The following CTNNA3 variants were observed in gnomAD, a reference collection of about 807,000 sequenced individuals.
CTNNA3 encodes the protein catenin alpha 3, also known as catenin alpha-3.
In CTNNA3, 76 loss-of-function variants were observed where a neutral mutation model predicts 95.7. The observed-to-expected ratio is 0.79, with a 90% CI of 0.66 to 0.96. CTNNA3 has a LOEUF of 0.96. Among genes scored for constraint, CTNNA3 ranks in the 40% least tolerant of loss-of-function variants. The pLI is 0.00. For synonymous variants in CTNNA3, 431 were observed against 374.4 expected (o/e 1.15, Z -1.74); for missense variants, 1,191 against 1,089.8 (o/e 1.09, Z -1.31).
At chr10:66,558,739 C>T (rs567691455) in intron 10 of CTNNA3, among the ~76,000 whole-genome samples, 1 of 152,130 alleles carries the variant, frequency 6.6e-6, no homozygotes, top group East Asian at 1.9e-4. Context: ...CACCTGTCAG[C>T]AAGAGTCTGA....
chr10:67,120,682 T>C (rs1245494314), intron 7 of CTNNA3, among the ~76,000 whole-genome samples: 1 of 152,022 alleles, frequency 6.6e-6, no homozygotes, highest in Non-Finnish European at 1.5e-5. Context: ...AACAAAAACA[T>C]CTCACCTACT....
At chr10:66,808,650 T>G (rs1022433065) in intron 7 of CTNNA3, among the ~76,000 whole-genome samples, 1 of 152,194 alleles carries the variant, frequency 6.6e-6, no homozygotes, top group African/African-American at 2.4e-5. Flanking sequence ...TGATATCTCG[T>G]GCCATTCTGG....
chr10:66,106,037 G>A (rs1472140453), intron 13 of CTNNA3, among the ~76,000 whole-genome samples: 2 of 151,854 alleles, frequency 1.3e-5, no homozygotes, highest in East Asian at 1.9e-4. Flanking sequence ...GAGAAACCCC[G>A]TCTCTACTAA....
intron 12 of CTNNA3, among the ~76,000 whole-genome samples, chr10:66,374,606 CTTTTTTTTTTTTTTT>C (rs58880058): frequency 5.7e-5 from 5 of 88,150 alleles, no homozygotes; most frequent in African/African-American, 1.1e-4. Context: ...AAAGAAAAGC[CTTTTTTTTTTTTTTT>C]TTTTTTTTTT....
At chr10:67,636,595 G>A (rs972981014) in intron 2 of CTNNA3, among the ~76,000 whole-genome samples, 1 of 152,172 alleles carries the variant, frequency 6.6e-6, no homozygotes, top group African/African-American at 2.4e-5. Flanking sequence ...AATAAATAGT[G>A]CTGGGAGAAC....
chr10:66,125,090 T>A (rs942173087), intron 13 of CTNNA3, among the ~76,000 whole-genome samples: 1 of 152,142 alleles, frequency 6.6e-6, no homozygotes, highest in Non-Finnish European at 1.5e-5. Context: ...CACCAGCACA[T>A]CTGCCCTTCA....
intron 9 of CTNNA3, among the ~76,000 whole-genome samples, chr10:66,675,829 A>G (rs1846833447): frequency 6.6e-6 from 1 of 152,132 alleles, no homozygotes; most frequent in Non-Finnish European, 1.5e-5. Context: ...CATGAAAATA[A>G]GATTTCAATC....
At chr10:66,041,073 A>G (rs1212269200) in intron 15 of CTNNA3, among the ~76,000 whole-genome samples, 2 of 152,196 alleles carry the variant, frequency 1.3e-5, no homozygotes, top group Non-Finnish European at 2.9e-5. Flanking sequence ...ACCAGTAATA[A>G]GACATACTGA....
intron 7 of CTNNA3, among the ~76,000 whole-genome samples, chr10:67,071,546 G>C (rs1856466761): frequency 6.6e-6 from 1 of 150,814 alleles, no homozygotes; most frequent in African/African-American, 2.4e-5. Context: ...TTAAGATCTT[G>C]TTATCTGGTT....
intron 15 of CTNNA3, among the ~76,000 whole-genome samples, chr10:65,994,176 G>T (rs939642162): frequency 1.3e-5 from 2 of 151,986 alleles, no homozygotes; most frequent in African/African-American, 4.8e-5. Flanking sequence ...ATTATGGTTT[G>T]GTGTTTTTCT....
At chr10:67,759,468 T>C (rs928048800) in intron 1 of CTNNA3, among the ~76,000 whole-genome samples, 1 of 152,218 alleles carries the variant, frequency 6.6e-6, no homozygotes, top group Non-Finnish European at 1.5e-5. Context: ...TTGGTTACTA[T>C]GTGTTTTGTG....
chr10:66,470,238 A>T (rs1414602195), intron 11 of CTNNA3, among the ~76,000 whole-genome samples: 1 of 151,806 alleles, frequency 6.6e-6, no homozygotes, highest in Non-Finnish European at 1.5e-5. Flanking sequence ...TGTTGTTTTT[A>T]ATCTGTAAAT....
chr10:67,563,732 C>A (rs1057280127), intron 3 of CTNNA3, among the ~76,000 whole-genome samples: 5 of 151,990 alleles, frequency 3.3e-5, no homozygotes, highest in Non-Finnish European at 7.4e-5. Flanking sequence ...AAAATTTTTT[C>A]AATCTACCCA....
At chr10:66,737,119 T>C (rs1849169474) in intron 9 of CTNNA3, among the ~76,000 whole-genome samples, 1 of 151,696 alleles carries the variant, frequency 6.6e-6, no homozygotes, top group African/African-American at 2.4e-5. Context: ...TTAACAAATT[T>C]ATGAAAAATA....
intron 5 of CTNNA3, among the ~76,000 whole-genome samples, chr10:67,375,960 A>C (rs1843672461): frequency 6.6e-6 from 1 of 152,192 alleles, no homozygotes; most frequent in South Asian, 2.1e-4. Flanking sequence ...CAGTGCTCTT[A>C]TAAAAGAGGC....
At chr10:67,642,981 A>G (rs1305052712) in intron 2 of CTNNA3, among the ~76,000 whole-genome samples, 1 of 151,856 alleles carries the variant, frequency 6.6e-6, no homozygotes, top group African/African-American at 2.4e-5. Flanking sequence ...GTATATACCC[A>G]AAGGAATATA....
intron 5 of CTNNA3, among the ~76,000 whole-genome samples, chr10:67,483,551 G>A (rs1457106037): frequency 4.0e-5 from 6 of 151,414 alleles, no homozygotes; most frequent in Non-Finnish European, 1.5e-5. Context: ...CTCACTCATA[G>A]GTGGGAATTG....
At chr10:67,042,085 T>A (rs1187864091) in intron 7 of CTNNA3, among the ~76,000 whole-genome samples, 4 of 152,146 alleles carry the variant, frequency 2.6e-5, no homozygotes, top group African/African-American at 7.2e-5. Flanking sequence ...AAATTCAGAA[T>A]TTAGACTTTT....
At chr10:67,017,379 T>C (rs1418835303) in intron 7 of CTNNA3, among the ~76,000 whole-genome samples, 1 of 152,188 alleles carries the variant, frequency 6.6e-6, no homozygotes, top group African/African-American at 2.4e-5. Context: ...TAGGATTCTT[T>C]CTACCACATC....
Sources: gnomAD v4.1 joint callset for allele counts (sites outside exome capture counted in the v4.1 genomes callset) on GRCh38, gnomAD v4.1.1 for gene constraint, MANE v1.5 for transcripts, NCBI Gene and HGNC (gene_info 2026-07-23, HGNC 2026-07-21) for gene names.